PDZRN3: variants seen among roughly 807,000 people sequenced by gnomAD.
PDZRN3 encodes E3 ubiquitin-protein ligase PDZRN3.
A neutral mutation model predicts 85.7 loss-of-function variants in PDZRN3; 38 were observed. The ratio of observed to expected loss-of-function variants is 0.44; its 90% confidence interval spans 0.34 to 0.58. The LOEUF is 0.58. Ranked by LOEUF, PDZRN3 falls within the 20% of genes least tolerant of loss-of-function variation. PDZRN3 has a pLI of 0.01. For synonymous variants in PDZRN3, 759 were observed against 638.0 expected, an observed-to-expected ratio of 1.19 and a Z score of -2.86; for missense variants, 1,629 against 1,506.4, an observed-to-expected ratio of 1.08 and a Z score of -1.35.
In PDZRN3 at chr3:73,384,689, A is replaced by G; in HGVS notation, c.1877T>C (p.Ile626Thr). 1 of 1,614,034 alleles carries G rather than the reference A, an allele frequency of 6.2e-7. No individual in the cohort carries two copies. Among genetic ancestry groups the G allele is most frequent in the African/African-American group, 1.3e-5 (1 of 75,060 alleles). ...GDLPFSNESF[I>T]SADCTDADYL... Reference sequence around the variant, plus strand: ...GTCGGCGTCCGTGCAGTCGGCCGAAATGAAAGACTCGTTGCTGAAGGGCAG... The same window carrying G: ...GTCGGCGTCCGTGCAGTCGGCCGAAGTGAAAGACTCGTTGCTGAAGGGCAG... The change falls in exon 10 of 10, where the codon ATT becomes ACT. Residue 626 changes from isoleucine to threonine, a missense_variant. Physicochemically the swap from Ile to Thr is moderately conservative, Grantham distance 89. Transcript: ENST00000263666.
intron 3 of PDZRN3, among the ~76,000 whole-genome samples, chr3:73,517,724 T>C (rs1041754243): frequency 6.6e-6 from 1 of 152,336 alleles, no homozygotes; most frequent in African/African-American, 2.4e-5. Context: ...AGCAAGACGA[T>C]GTAGAGTTTC....
chr3:73,383,683 G>C lies in PDZRN3; in HGVS notation c.2883C>G (p.Asp961Glu). ...REERSGMTTD[D>E]DAVSEMKMGR... ...CCATCTTCATCTCGCTCACCGCGTCGTCGTCGGTGGTCATGCCGCTGCGCT... is the reference window on the plus strand; with the variant it reads ...CCATCTTCATCTCGCTCACCGCGTCCTCGTCGGTGGTCATGCCGCTGCGCT... The change falls in exon 10 of 10, where the codon GAC (aspartate) becomes GAG (glutamate). Residue 961 changes from aspartate to glutamate, a missense_variant. Physicochemically the swap from Asp to Glu is conservative, Grantham distance 45. Coordinates refer to ENST00000263666, the MANE Select transcript of PDZRN3 (RefSeq NM_015009.3). 1 of 1,611,782 alleles carries C rather than the reference G, an allele frequency of 6.2e-7. No individual in the cohort carries two copies. The highest frequency in any genetic ancestry group is 8.5e-7 in the Non-Finnish European group (1 of 1,180,020).
intron 5 of PDZRN3, among the ~76,000 whole-genome samples, chr3:73,397,326 A>G (rs1295469811): frequency 2.0e-5 from 3 of 152,200 alleles, no homozygotes; most frequent in Non-Finnish European, 4.4e-5. Flanking sequence ...GTCCAATTCA[A>G]TTTAGATGAT....
chr3:73,618,870 A>G (rs1343275617), intron 1 of PDZRN3, among the ~76,000 whole-genome samples: 5 of 152,212 alleles, frequency 3.3e-5, no homozygotes, highest in African/African-American at 1.2e-4. Context: ...TTTTTTTAGC[A>G]GAAGTGCGCT....
chr3:73,454,784 CTAAA>C lies in PDZRN3; in HGVS notation c.919-50393_919-50390del, dbSNP rs1408319627. ...AAGTGTGGCATTATTTTACAAGTAACTAAATAGATTTTTTAAAAGCATGAACAAA... is the reference window on the plus strand; with the variant it reads ...AAGTGTGGCATTATTTTACAAGTAACTAGATTTTTTAAAAGCATGAACAAA... On this transcript the variant is annotated intron_variant, in intron 3 of 9. Transcript: ENST00000263666. Among the ~76,000 whole-genome samples, 17 of 152,146 alleles carry C rather than the reference CTAAA, an allele frequency of 1.1e-4. No individual in the cohort carries two copies. The Middle Eastern group carries it at 0.01, about 92-fold the overall frequency.
intron 3 of PDZRN3, among the ~76,000 whole-genome samples, chr3:73,421,837 C>T (rs561332904): frequency 1.6e-4 from 25 of 152,158 alleles, no homozygotes; most frequent in African/African-American, 3.1e-4. Context: ...TTAATAGAAA[C>T]GGGGTTTCAC....
chr3:73,587,893 A>G (rs778436235), intron 3 of PDZRN3, among the ~76,000 whole-genome samples: 63 of 152,338 alleles, frequency 4.1e-4, no homozygotes, highest in Admixed American at 3.9e-4. Context: ...CCATCTGCTT[A>G]CATCTAGAGC....
intron 3 of PDZRN3, among the ~76,000 whole-genome samples, chr3:73,600,928 C>T (rs1338527181): frequency 1.3e-5 from 2 of 152,134 alleles, no homozygotes; most frequent in East Asian, 1.9e-4. Context: ...TGACTCTAAA[C>T]CATGCAGCAA....
intron 3 of PDZRN3, among the ~76,000 whole-genome samples, chr3:73,576,149 T>G (rs1167858374): frequency 6.6e-6 from 1 of 152,164 alleles, no homozygotes; most frequent in African/African-American, 2.4e-5. Context: ...CATACGGAGC[T>G]GCCTATTTTC....
At chr3:73,567,247 A>G (rs112675554) in intron 3 of PDZRN3, among the ~76,000 whole-genome samples, 33 of 152,298 alleles carry the variant, frequency 2.2e-4, no homozygotes, top group African/African-American at 7.7e-4. Context: ...TTTCCTGGAT[A>G]CTTCCACATC....
chr3:73,571,789 G>A (rs568325572), intron 3 of PDZRN3, among the ~76,000 whole-genome samples: 15 of 152,262 alleles, frequency 9.9e-5, no homozygotes, highest in East Asian at 3.9e-4. Context: ...GCTCAGAACC[G>A]GAAGAGCAGA....
intron 1 of PDZRN3, among the ~76,000 whole-genome samples, chr3:73,612,118 G>A (rs1316120113): frequency 6.6e-6 from 1 of 152,164 alleles, no homozygotes; most frequent in Non-Finnish European, 1.5e-5. Flanking sequence ...TCAAAACATA[G>A]TAAAACAAAG....
chr3:73,422,681 A>C (rs915284463), intron 3 of PDZRN3, among the ~76,000 whole-genome samples: 1 of 152,158 alleles, frequency 6.6e-6, no homozygotes, highest in Non-Finnish European at 1.5e-5. Context: ...CCTTTTGGTC[A>C]ATTTCTCAGT....
chr3:73,522,387 A>G (rs746523317), intron 3 of PDZRN3, among the ~76,000 whole-genome samples: 1 of 152,226 alleles, frequency 6.6e-6, no homozygotes, highest in African/African-American at 2.4e-5. Flanking sequence ...TTGGGGCCAT[A>G]AGCATCAAAA....
intron 3 of PDZRN3, among the ~76,000 whole-genome samples, chr3:73,549,546 ATCG>A: frequency 6.6e-6 from 1 of 152,200 alleles, no homozygotes; most frequent in African/African-American, 2.4e-5. Context: ...ACTCCTGGTA[ATCG>A]GCAAAGGTGG....
intron 3 of PDZRN3, among the ~76,000 whole-genome samples, chr3:73,550,400 C>T (rs1357479755): frequency 3.3e-5 from 5 of 152,216 alleles, no homozygotes; most frequent in Admixed American, 2.6e-4. Context: ...TTATAATCAC[C>T]TGGAGGGTTG....
intron 3 of PDZRN3, among the ~76,000 whole-genome samples, chr3:73,524,888 C>T (rs951065232): frequency 6.6e-6 from 1 of 151,406 alleles, no homozygotes; most frequent in African/African-American, 2.4e-5. Context: ...CATATATATA[C>T]GATCTTTCAT....
intron 3 of PDZRN3, among the ~76,000 whole-genome samples, chr3:73,487,625 C>G (rs141470100): frequency 6.6e-6 from 1 of 152,048 alleles, no homozygotes. Context: ...AACTTACTTT[C>G]TTTTTTTTCC....
At chr3:73,553,284 C>G (rs1192145845) in intron 3 of PDZRN3, among the ~76,000 whole-genome samples, 1 of 151,946 alleles carries the variant, frequency 6.6e-6, no homozygotes. Flanking sequence ...GAGGTAAGAC[C>G]TATTATCGGC....
Sources: gnomAD v4.1 joint callset for allele counts (sites outside exome capture counted in the v4.1 genomes callset) on GRCh38, gnomAD v4.1.1 for gene constraint, MANE v1.5 for transcripts, NCBI Gene and HGNC (gene_info 2026-07-23, HGNC 2026-07-21) for gene names.